KCNC4: variants seen among roughly 807,000 people sequenced by gnomAD.
KCNC4 encodes potassium voltage-gated channel subfamily C member 4.
A neutral mutation model predicts 42.8 loss-of-function variants in KCNC4; 23 were observed. The observed-to-expected ratio is 0.54, with a 90% CI of 0.39 to 0.76. The LOEUF is 0.76. KCNC4 is among the 30% of genes least tolerant of loss of function. The pLI is 0.00. For synonymous variants in KCNC4, 422 were observed against 393.5 expected (o/e 1.07, Z -0.86); for missense variants, 751 against 898.2 (o/e 0.84, Z 2.10).
exon 3 of KCNC4, chr1:110,283,042 T>G (rs182512219): frequency 6.6e-6 from 1 of 152,442 alleles, no homozygotes; most frequent in East Asian, 1.9e-4. Flanking sequence ...TCTGCTTGGC[T>G]TCTGTGTGGG....
downstream of KCNC4, chr1:110,235,149 A>C (rs1032492342): frequency 6.6e-6 from 1 of 152,246 alleles, no homozygotes; most frequent in Non-Finnish European, 1.5e-5. Context: ...GCAGTGTAGA[A>C]CAGCAGGGTG....
At chr1:110,278,613 T>C (rs972984935) in intron 1 of KCNC4, among the ~76,000 whole-genome samples, 1 of 152,144 alleles carries the variant, frequency 6.6e-6, no homozygotes, top group African/African-American at 2.4e-5. Context: ...CGTGAACATG[T>C]ATAATTGGGA....
chr1:110,227,707 GT>G (rs1571048880), intron 3 of KCNC4, among the ~76,000 whole-genome samples: 1 of 152,326 alleles, frequency 6.6e-6, no homozygotes, highest in East Asian at 1.9e-4. Context: ...TGGTCCCTGT[GT>G]AGGACTCGAG....
At chr1:110,282,749 C>T (rs886880107) in intron 2 of KCNC4, 1 of 152,208 alleles carries the variant, frequency 6.6e-6, no homozygotes, top group African/African-American at 2.4e-5. Flanking sequence ...CAGTTCCAGA[C>T]ATTGGATTTA....
At chr1:110,226,982 A>G (rs1336745408) in intron 3 of KCNC4, among the ~76,000 whole-genome samples, 1 of 152,178 alleles carries the variant, frequency 6.6e-6, no homozygotes, top group Non-Finnish European at 1.5e-5. Flanking sequence ...GCTGAGAACC[A>G]GGGGTCTTAG....
At chr1:110,253,036 G>A (rs1261833217), downstream of KCNC4, among the ~76,000 whole-genome samples, 2 of 152,094 alleles carry the variant, frequency 1.3e-5, no homozygotes, top group South Asian at 4.1e-4. Flanking sequence ...GGGCCTCCAT[G>A]CTTTTGCTAG....
At chr1:110,247,348 C>T (rs1164753801) in exon 4 of KCNC4, 1 of 151,158 alleles carries the variant, frequency 6.6e-6, no homozygotes, top group East Asian at 1.9e-4. Flanking sequence ...CTCTGAGTAG[C>T]TGGGACCACA....
intron 3 of KCNC4, among the ~76,000 whole-genome samples, chr1:110,229,366 G>A (rs138972890): frequency 1.2e-4 from 19 of 152,332 alleles, no homozygotes; most frequent in Non-Finnish European, 5.9e-5. Context: ...GGTGCAGGCC[G>A]TGGGCGGGCT....
rs1659762920 is a variant in KCNC4 at position 110,278,447 on chromosome 1, C to A, written n.31-4087C>A. 4.6e-5 allele frequency among the ~76,000 whole-genome samples: 7 copies of A among 152,226 alleles called. No homozygotes were observed. In the South Asian group the frequency reaches 1.5e-3, roughly 32 times the overall value. Reference sequence around the variant, plus strand: ...ATCATCCATGGATGCTGCTGATCAGCCCCCAATGCACAGGCTCTGTGTGCC... The same window carrying A: ...ATCATCCATGGATGCTGCTGATCAGACCCCAATGCACAGGCTCTGTGTGCC... On this transcript the variant is annotated intron_variant and non_coding_transcript_variant, in intron 1 of 2. Coordinates refer to the KCNC4 transcript ENST00000412512.
At chr1:110,217,433 A>G (rs1321552631) in intron 1 of KCNC4, among the ~76,000 whole-genome samples, 3 of 152,208 alleles carry the variant, frequency 2.0e-5, no homozygotes, top group African/African-American at 7.2e-5. Context: ...GGGTAGAGCT[A>G]AACCATATGC....
In KCNC4 at chr1:110,211,730, T is replaced by TGGCGGCGGTGTGGGTAGCAGCGGCAGC. The variant is rs1557849985; in HGVS notation, c.232_258dup (p.Gly78_Ser86dup). 6.2e-7 allele frequency: 1 copy of TGGCGGCGGTGTGGGTAGCAGCGGCAGC among 1,608,764 alleles called. No homozygotes were observed. ...ACGGCGGGGGCCGGCCCGAGACCGA[T>TGGCGGCGGTGTGGGTAGCAGCGGCAGC]GGCGGCGGTGTGGGTAGCAGCGGCA... On this transcript the variant is annotated inframe_insertion, in exon 1 of 4. Transcript: ENST00000438661. The surrounding 1 kb of genome is among the most constrained non-coding windows in gnomAD (Gnocchi z 6.5).
exon 4 of KCNC4, chr1:110,240,066 A>G (rs1428096827): frequency 6.6e-6 from 1 of 152,362 alleles, no homozygotes; most frequent in African/African-American, 2.4e-5. Context: ...GGGAGGGGCA[A>G]AGGGGTTGAT....
rs1298606157 is a variant in KCNC4 at position 110,255,560 on chromosome 1, C to G, written n.31-26974C>G. 2.6e-5 allele frequency among the ~76,000 whole-genome samples: 4 copies of G among 152,292 alleles called. No individual in the cohort carries two copies. In the East Asian group the frequency reaches 7.7e-4, roughly 29 times the overall value. ...GAAAGGTATTGAGATGCAGTCATTG[C>G]TACAGACACCCAGGCAAATCAGTAT... On this transcript the variant is annotated intron_variant and non_coding_transcript_variant, in intron 1 of 2. Transcript: ENST00000412512.
intron 1 of KCNC4, among the ~76,000 whole-genome samples, chr1:110,266,227 A>G (rs1384577470): frequency 1.3e-5 from 2 of 152,242 alleles, no homozygotes; most frequent in Non-Finnish European, 2.9e-5. Context: ...CCAGATCCCA[A>G]CACTGTTGCA....
intron 1 of KCNC4, among the ~76,000 whole-genome samples, chr1:110,218,052 T>C (rs996941984): frequency 1.3e-5 from 2 of 152,142 alleles, no homozygotes; most frequent in East Asian, 1.9e-4. Flanking sequence ...ATCCTTAATA[T>C]AGGTTTTTGG....
chr1:110,256,868 T>C (rs1247968930), intron 1 of KCNC4: 4 of 156,300 alleles, frequency 2.6e-5, no homozygotes, highest in African/African-American at 7.2e-5. Flanking sequence ...ATACTCATTT[T>C]TTGAGTATAA....
At chr1:110,220,246 G>C (rs1658021688) in intron 1 of KCNC4, 1 of 152,254 alleles carries the variant, frequency 6.6e-6, no homozygotes, top group Admixed American at 6.5e-5. Flanking sequence ...AGGGGTAGCA[G>C]TTAATAGTAG....
chr1:110,277,361 A>C (rs1265644057), intron 1 of KCNC4, among the ~76,000 whole-genome samples: 1 of 152,228 alleles, frequency 6.6e-6, no homozygotes, highest in Non-Finnish European at 1.5e-5. Context: ...ACAAATTAGC[A>C]TTGGGAAGTC....
intron 2 of KCNC4, 92 bp from the exon 3 acceptor site, chr1:110,225,883 A>G: frequency 8.2e-7 from 1 of 1,220,918 alleles, no homozygotes; most frequent in Non-Finnish European, 1.2e-6. Context: ...AGGTTGAGGA[A>G]GTAACACTCT....
Sources: gnomAD v4.1 joint callset for allele counts (sites outside exome capture counted in the v4.1 genomes callset) on GRCh38, gnomAD v4.1.1 for gene constraint, Gnocchi (gnomAD v3.1) non-coding constraint, MANE v1.5 for transcripts, NCBI Gene and HGNC (gene_info 2026-07-23, HGNC 2026-07-21) for gene names.